Variants in ATP1A1 observed in about 807,000 individuals in gnomAD.
The protein encoded by ATP1A1 is ATPase Na+/K+ transporting subunit alpha 1.
In ATP1A1, 14 loss-of-function variants were observed where a neutral mutation model predicts 114.8. That is an observed-to-expected ratio of 0.12 (90% CI 0.08 to 0.19). ATP1A1 has a LOEUF of 0.19. Ranked by LOEUF, ATP1A1 falls within the 10% of genes least tolerant of loss-of-function variation. The probability of loss-of-function intolerance (pLI) is 1.00; values close to 1 mark genes in which losing one functional copy is unlikely to be tolerated. For missense variants in ATP1A1, 524 were observed against 1,290.7 expected (o/e 0.41, Z 9.10); for synonymous variants, 471 against 466.3 (o/e 1.01, Z -0.13).
In ATP1A1 at chr1:116,401,654, A is replaced by G. The variant is rs776018998; in HGVS notation, c.2950A>G (p.Lys984Glu). ...MGVALRMYPLKPTWWFCAFPY... is the reference protein window; with the variant it reads ...MGVALRMYPLEPTWWFCAFPY... ...TGTTGCTCTTAGGATGTATCCCCTCAAGTAAGTTGATCCTCTGGTAGCTCC... is the reference window on the plus strand; with the variant it reads ...TGTTGCTCTTAGGATGTATCCCCTCGAGTAAGTTGATCCTCTGGTAGCTCC... The change falls in exon 21 of 23, where the codon AAA becomes GAA. Residue 984 changes from lysine to glutamate, a missense_variant and splice_region_variant. Around this residue, in one of 8 missense-constraint regions of ATP1A1, gnomAD observed 84 missense variants for 209.3 expected, o/e 0.40. Coordinates refer to ENST00000295598, the MANE Select transcript of ATP1A1 (RefSeq NM_000701.8). The surrounding 1 kb of genome is among the most constrained non-coding windows in gnomAD (Gnocchi z 4.7). 6.2e-7 allele frequency: 1 copy of G among 1,613,480 alleles called. No homozygotes were observed.
chr1:116,374,289 G>GCACC (rs1252598263), intron 1 of ATP1A1: 1 of 1,551,438 alleles, frequency 6.4e-7, no homozygotes, highest in East Asian at 2.4e-5. Flanking sequence ...AACACAGGAT[G>GCACC]CACCGATGGC....
In ATP1A1 at chr1:116,389,410, G is replaced by A; in HGVS notation, c.755-29G>A. On this transcript the variant is annotated intron_variant, in intron 7 of 22. Coordinates refer to ENST00000295598, the MANE Select transcript of ATP1A1 (RefSeq NM_000701.8). The surrounding 1 kb of genome is among the most constrained non-coding windows in gnomAD (Gnocchi z 6.9). ...CTTCCTTCAGGTTAGATACAATTAGGTACAGTTCTCCCTCCCCTTCTTTTT... is the reference window on the plus strand; with the variant it reads ...CTTCCTTCAGGTTAGATACAATTAGATACAGTTCTCCCTCCCCTTCTTTTT... 6.2e-7 allele frequency: 1 copy of A among 1,612,014 alleles called. No homozygotes were observed. Among genetic ancestry groups the A allele is most frequent in the Non-Finnish European group, 8.5e-7 (1 of 1,178,426 alleles).
chr1:116,376,449 C>T (rs1651374627), intron 1 of ATP1A1, among the ~76,000 whole-genome samples: 1 of 152,124 alleles, frequency 6.6e-6, no homozygotes, highest in Non-Finnish European at 1.5e-5. Context: ...GGAAAGTTGC[C>T]CGGGCCTGGC....
In ATP1A1 at chr1:116,404,047, C is replaced by A; in HGVS notation, c.3043+72C>A. The A allele has an allele frequency of 6.8e-7, 1 of 1,466,910 alleles. No individual in the cohort carries two copies. The highest frequency in any genetic ancestry group is 9.4e-7 in the Non-Finnish European group (1 of 1,059,348). 90.9% of individuals were successfully genotyped at this position (1,466,910 alleles called of 1,614,324 possible). ...CTATAGTTCTATTGGTTTTTTGTTTCCCTCAAGGTGTCTAGGCTCCCTCAG... is the reference window on the plus strand; with the variant it reads ...CTATAGTTCTATTGGTTTTTTGTTTACCTCAAGGTGTCTAGGCTCCCTCAG... On this transcript the variant is annotated intron_variant, in intron 22 of 22. Coordinates refer to ENST00000295598, the MANE Select transcript of ATP1A1 (RefSeq NM_000701.8). This position sits in a 1 kb window ranked among gnomAD's most constrained non-coding sequence, Gnocchi z 4.8.
chr1:116,389,339 CTTTT>C lies in ATP1A1; in HGVS notation c.755-98_755-95del. 1.3e-6 allele frequency: 2 copies of C among 1,493,154 alleles called. No homozygotes were observed. The highest frequency in any genetic ancestry group is 2.3e-5 in the East Asian group (1 of 44,104). The allele number at this position is 1,493,154 out of a possible 1,614,324, so 92.5% of individuals were successfully genotyped here. On this transcript the variant is annotated intron_variant, in intron 7 of 22. Coordinates refer to ENST00000295598, the MANE Select transcript of ATP1A1 (RefSeq NM_000701.8). This position sits in a 1 kb window ranked among gnomAD's most constrained non-coding sequence, Gnocchi z 6.9. ...CCCTTAAAAAGTGCTTTTATCAACTCTTTTTGTTTTTTTAGTCATCCTATGTAAT... is the reference window on the plus strand; with the variant it reads ...CCCTTAAAAAGTGCTTTTATCAACTCTGTTTTTTTAGTCATCCTATGTAAT...
At chr1:116,400,790 T>C in intron 18 of ATP1A1, 71 bp from the exon 19 acceptor site, 2 of 1,562,736 alleles carry the variant, frequency 1.3e-6, no homozygotes, top group Non-Finnish European at 8.7e-7. Context: ...CCTGCTGCAG[T>C]AATCAGCTGA....
rs757811212 is a variant in ATP1A1 at position 116,400,854 on chromosome 1, A to C, written c.2573-7A>C. 1.2e-6 allele frequency: 2 copies of C among 1,613,984 alleles called. No homozygotes were observed. Among genetic ancestry groups the C allele is most frequent in the Non-Finnish European group, 1.7e-6 (2 of 1,179,968 alleles). On this transcript the variant is annotated splice_region_variant and splice_polypyrimidine_tract_variant and intron_variant, in intron 18 of 22. Coordinates refer to ENST00000295598, the MANE Select transcript of ATP1A1 (RefSeq NM_000701.8). ...GTTCTAGTAATTGGGTTGTTTTCCC[A>C]ACTTAGGAATGATCCAGGCCCTGGG...
rs1652327813 is a variant in ATP1A1 at position 116,389,888 on chromosome 1, T to G, written c.1023+181T>G. ...GTGAGAAAACCTCAGCATTTGTTTA[T>G]ACGTAAGATAACCCCAAAGCATACA... On this transcript the variant is annotated intron_variant, in intron 8 of 22. Coordinates refer to ENST00000295598, the MANE Select transcript of ATP1A1 (RefSeq NM_000701.8). This position sits in a 1 kb window ranked among gnomAD's most constrained non-coding sequence, Gnocchi z 6.9. 1.1e-5 allele frequency: 10 copies of G among 947,726 alleles called. No homozygotes were observed. In the East Asian group the frequency reaches 2.6e-4, roughly 25 times the overall value. The allele number at this position is 947,726 out of a possible 1,614,324, so 58.7% of individuals were successfully genotyped here.
chr1:116,402,582 CAG>C lies in ATP1A1; in HGVS notation c.2951+930_2951+931del, dbSNP rs374155980. ...TGTGGTGCAAGATGAGACTGGCATC[CAG>C]AGTCAGTCTCATTGTCCCAACCTGT... is the stretch of plus-strand genomic sequence containing the variant. On this transcript the variant is annotated intron_variant, in intron 21 of 22. Coordinates refer to ENST00000295598, the MANE Select transcript of ATP1A1 (RefSeq NM_000701.8). Among the ~76,000 whole-genome samples the C allele has an allele frequency of 3.5e-3, 533 of 152,294 alleles. 3 individuals are homozygous for C. Among genetic ancestry groups the C allele is most frequent in the African/African-American group, 0.012 (502 of 41,548 alleles).
intron 1 of ATP1A1, 61 bp from the exon 2 acceptor site, chr1:116,383,953 A>G: frequency 7.1e-7 from 1 of 1,407,232 alleles, no homozygotes; most frequent in African/African-American, 1.4e-5. Context: ...CTGCTCCAGA[A>G]TTTTCAGTTT....
Position 116,393,771 on chromosome 1 carries a change from G to T in ATP1A1, c.1660+48G>T. Reference sequence around the variant, plus strand: ...GAGTGCCTGGGCACGTTTTTATCCAGTAACCTAGTCTGGTAGACAGTTAAC... The same window carrying T: ...GAGTGCCTGGGCACGTTTTTATCCATTAACCTAGTCTGGTAGACAGTTAAC... On this transcript the variant is annotated intron_variant, in intron 12 of 22. Transcript: ENST00000295598. This position sits in a 1 kb window ranked among gnomAD's most constrained non-coding sequence, Gnocchi z 5.0. 1 of 1,560,360 alleles carries T rather than the reference G, an allele frequency of 6.4e-7. No individual in the cohort carries two copies. Among genetic ancestry groups the T allele is most frequent in the Non-Finnish European group, 8.7e-7 (1 of 1,146,734 alleles).
Position 116,395,008 on chromosome 1 carries a change from G to C in ATP1A1, c.1661-102G>C, listed in dbSNP as rs547292300. ...ATATAGACTTTAAAAATTTTCCAAA[G>C]TAAACACTCCAGAGAAAGGTAGGCG... On this transcript the variant is annotated intron_variant, in intron 12 of 22. Transcript: ENST00000295598. This position sits in a 1 kb window ranked among gnomAD's most constrained non-coding sequence, Gnocchi z 6.4. 2.2e-5 allele frequency: 27 copies of C among 1,253,728 alleles called. No individual in the cohort carries two copies. In the Admixed American group the frequency reaches 4.6e-4, roughly 21 times the overall value. 77.7% of individuals were successfully genotyped at this position (1,253,728 alleles called of 1,614,324 possible).
chr1:116,387,384 C>T lies in ATP1A1; in HGVS notation c.280C>T (p.Arg94Trp), dbSNP rs1159259511. The T allele has an allele frequency of 6.2e-7, 1 of 1,614,160 alleles. No individual in the cohort carries two copies. Among genetic ancestry groups the T allele is most frequent in the Non-Finnish European group, 8.5e-7 (1 of 1,180,034 alleles). Residue 94 changes from arginine to tryptophan, a missense_variant, in exon 4 of 23, where the codon CGG becomes TGG. Arg to Trp is a moderately radical substitution (Grantham distance 101). Transcript: ENST00000295598. This position sits in a 1 kb window ranked among gnomAD's most constrained non-coding sequence, Gnocchi z 6.7. ...PTTPEWIKFCRQLFGGFSMLL... is the reference protein window; with the variant it reads ...PTTPEWIKFCWQLFGGFSMLL... ...TACTCCTGAATGGATCAAGTTTTGTCGGCAGCTCTTTGGGGGGTTCTCAAT... is the reference window on the plus strand; with the variant it reads ...TACTCCTGAATGGATCAAGTTTTGTTGGCAGCTCTTTGGGGGGTTCTCAAT...
At chr1:116,383,644 T>TA (rs1377704676) in intron 1 of ATP1A1, 1 of 188,658 alleles carries the variant, frequency 5.3e-6, no homozygotes, top group Non-Finnish European at 1.1e-5. Context: ...GTTAATAATG[T>TA]AAAGTTAGTT....
rs1444141256 is a variant in ATP1A1, at chr1:116,395,038, G to C, written c.1661-72G>C. 4 of 1,492,924 alleles carry C rather than the reference G, an allele frequency of 2.7e-6. No individual in the cohort carries two copies. Among genetic ancestry groups the C allele is most frequent in the Non-Finnish European group, 3.6e-6 (4 of 1,102,532 alleles). The allele number at this position is 1,492,924 out of a possible 1,614,324, so 92.5% of individuals were successfully genotyped here. A position where few individuals can be genotyped will look rare whatever the true frequency, so the allele number is the denominator to read the frequency against. ...CACTCCAGAGAAAGGTAGGCGGGCT[G>C]AATAGGCTGCTGTTGTCCTTCTTAC... On this transcript the variant is annotated intron_variant, in intron 12 of 22. Coordinates refer to ENST00000295598, the MANE Select transcript of ATP1A1 (RefSeq NM_000701.8). The surrounding 1 kb of genome is among the most constrained non-coding windows in gnomAD (Gnocchi z 6.4).
chr1:116,384,401 C>T lies in ATP1A1; in HGVS notation c.123+277C>T, dbSNP rs1454800234. On this transcript the variant is annotated intron_variant, in intron 2 of 22. Coordinates refer to ENST00000295598, the MANE Select transcript of ATP1A1 (RefSeq NM_000701.8). The surrounding 1 kb of genome is among the most constrained non-coding windows in gnomAD (Gnocchi z 5.1). ...GTCTTTGCTTTTCTCTGTATTATAT[C>T]AAACATTGGGAAATTCAGCCTCTCC... Among the ~76,000 whole-genome samples the T allele has an allele frequency of 1.3e-5, 2 of 152,188 alleles. No homozygotes were observed. The highest frequency in any genetic ancestry group is 2.9e-5 in the Non-Finnish European group (2 of 68,038).
intron 1 of ATP1A1, among the ~76,000 whole-genome samples, chr1:116,374,445 A>G (rs1390686949): frequency 6.6e-6 from 1 of 152,138 alleles, no homozygotes; most frequent in East Asian, 1.9e-4. Context: ...ATACGGTGGT[A>G]GGAATCTCTG....
At chr1:116,379,162 T>C (rs968295897) in intron 1 of ATP1A1, among the ~76,000 whole-genome samples, 1 of 152,232 alleles carries the variant, frequency 6.6e-6, no homozygotes, top group Admixed American at 6.5e-5. Flanking sequence ...GGTTAAGTCA[T>C]GTTCTTTTGG....
At position 116,384,171 on chromosome 1, in the gene ATP1A1, T is replaced by TG; in HGVS notation, c.123+48dup. On this transcript the variant is annotated intron_variant, in intron 2 of 22. Coordinates refer to ENST00000295598, the MANE Select transcript of ATP1A1 (RefSeq NM_000701.8). This position sits in a 1 kb window ranked among gnomAD's most constrained non-coding sequence, Gnocchi z 5.1. ...GTATTCCATCCTTATTAAAAATCCA[T>TG]GATTTTTAATCCCCCAGGCCTCACT... 6.8e-7 allele frequency: 1 copy of TG among 1,478,190 alleles called. No individual in the cohort carries two copies. Among genetic ancestry groups the TG allele is most frequent in the Non-Finnish European group, 9.4e-7 (1 of 1,062,950 alleles). The allele number at this position is 1,478,190 out of a possible 1,614,324, so 91.6% of individuals were successfully genotyped here.
Sources: allele counts gnomAD v4.1 joint callset (sites outside exome capture counted in the v4.1 genomes callset), GRCh38; gene constraint gnomAD v4.1.1; regional missense constraint gnomAD v4.1.1; non-coding constraint Gnocchi (gnomAD v3.1); transcripts MANE v1.5; gene names NCBI Gene and HGNC (gene_info 2026-07-23, HGNC 2026-07-21).